The following GALNT10 variants were observed in gnomAD, a reference collection of about 807,000 sequenced individuals.
The protein encoded by GALNT10 is GalNAc transferase 10.
GALNT10 carries 41 observed loss-of-function variants against 75.0 expected under a neutral mutation model. The ratio of observed to expected loss-of-function variants is 0.55; its 90% CI spans 0.43 to 0.71. The LOEUF (loss-of-function observed/expected upper bound fraction) is 0.71, where lower values mean the gene tolerates loss of function less well. Among genes scored for constraint, GALNT10 ranks in the 30% least tolerant of loss-of-function variants. The pLI, the probability that GALNT10 is intolerant of heterozygous loss-of-function variation, is 0.00. For missense variants in GALNT10, 727 were observed against 818.5 expected (o/e 0.89, Z 1.36); for synonymous variants, 302 against 313.0 (o/e 0.96, Z 0.37).
At chr5:154,195,247 A>G (rs1774917626) in intron 1 of GALNT10, among the ~76,000 whole-genome samples, 4 of 152,240 alleles carry the variant, frequency 2.6e-5, no homozygotes, top group Admixed American at 2.6e-4. Flanking sequence ...AGTAAGCCCC[A>G]TGGCAGCTAA....
chr5:154,278,479 T>C (rs1246157131), intron 1 of GALNT10, among the ~76,000 whole-genome samples: 1 of 152,206 alleles, frequency 6.6e-6, no homozygotes, highest in African/African-American at 2.4e-5. Flanking sequence ...CAGAAGGGTA[T>C]TAGAATATGT....
intron 1 of GALNT10, among the ~76,000 whole-genome samples, chr5:154,222,582 C>T (rs114833053): frequency 0.018 from 2,731 of 152,326 alleles, 40 homozygotes; most frequent in Middle Eastern, 0.095. Context: ...TTCCCACCAT[C>T]AGTGTATAAG....
intron 1 of GALNT10, among the ~76,000 whole-genome samples, chr5:154,228,696 G>A (rs951099205): frequency 6.6e-5 from 10 of 152,220 alleles, no homozygotes; most frequent in African/African-American, 2.4e-4. Flanking sequence ...AGTCCCAATT[G>A]TATGTGGGTG....
chr5:154,293,613 A>ATATATATATAT, intron 1 of GALNT10, among the ~76,000 whole-genome samples: 2 of 109,360 alleles, frequency 1.8e-5, no homozygotes, highest in African/African-American at 8.5e-5. Flanking sequence ...ATATATATAT[A>ATATATATATAT]TTTTTTTTTT....
chr5:154,279,593 G>A (rs114303082), intron 1 of GALNT10, among the ~76,000 whole-genome samples: 369 of 151,926 alleles, frequency 2.4e-3, no homozygotes, highest in African/African-American at 8.3e-3. Context: ...ATGAGCCTCC[G>A]CACCTGGCTT....
intron 3 of GALNT10, among the ~76,000 whole-genome samples, chr5:154,313,140 C>G (rs1321017489): frequency 4.6e-5 from 7 of 152,060 alleles, no homozygotes; most frequent in African/African-American, 1.4e-4. Context: ...GAAACCACAT[C>G]TCTACGAAAA....
intron 3 of GALNT10, among the ~76,000 whole-genome samples, chr5:154,309,986 G>A (rs10078951): frequency 0.013 from 1,993 of 152,294 alleles, 38 homozygotes; most frequent in African/African-American, 0.046. Context: ...ACCCAAGACC[G>A]GACGTAGTCT....
At chr5:154,216,463 C>A (rs1561631297) in intron 1 of GALNT10, among the ~76,000 whole-genome samples, 1 of 152,100 alleles carries the variant, frequency 6.6e-6, no homozygotes, top group Non-Finnish European at 1.5e-5. Flanking sequence ...GCAACTAAAA[C>A]CAAACAGAAA....
rs1017146815 is a variant in GALNT10 at position 154,191,032 on chromosome 5, C to A, written c.159+7C>A. ...GGCGCCGGCGGCGGGACAGGTGAGTCCCCCCGTTGCTACAGGCCGGGAACA... is the reference window on the plus strand; with the variant it reads ...GGCGCCGGCGGCGGGACAGGTGAGTACCCCCGTTGCTACAGGCCGGGAACA... On this transcript the variant is annotated splice_region_variant and intron_variant, in intron 1 of 11. Transcript: ENST00000297107. 1.3e-5 allele frequency: 18 copies of A among 1,411,522 alleles called. No individual in the cohort carries two copies. The highest frequency in any genetic ancestry group is 3.6e-4 in the Middle Eastern group (2 of 5,504). The allele number at this position is 1,411,522 out of a possible 1,614,324, so 87.4% of individuals were successfully genotyped here. A position where few individuals can be genotyped will look rare whatever the true frequency, so the allele number is the denominator to read the frequency against.
intron 7 of GALNT10, among the ~76,000 whole-genome samples, chr5:154,400,189 G>A (rs769260438): frequency 5.9e-5 from 9 of 152,158 alleles, no homozygotes; most frequent in African/African-American, 1.2e-4. Flanking sequence ...AGCCGTAGCC[G>A]AGAAAAGCCA....
Position 154,298,655 on chromosome 5 carries a change from C to T in GALNT10, c.401+576C>T, listed in dbSNP as rs886132651. ...ACTGGGGCTTAAAGGAGGGTCATAA[C>T]TCACTTAAGGCTATAAGTTGATTGA... On this transcript the variant is annotated intron_variant, in intron 3 of 11. Transcript: ENST00000297107. This position sits in a 1 kb window ranked among gnomAD's most constrained non-coding sequence, Gnocchi z 4.1. Among the ~76,000 whole-genome samples, 6 of 152,210 alleles carry T rather than the reference C, an allele frequency of 3.9e-5. No homozygotes were observed. Among genetic ancestry groups the T allele is most frequent in the African/African-American group, 1.4e-4 (6 of 41,442 alleles).
At chr5:154,274,045 G>A (rs1387896969) in intron 1 of GALNT10, among the ~76,000 whole-genome samples, 1 of 152,180 alleles carries the variant, frequency 6.6e-6, no homozygotes, top group African/African-American at 2.4e-5. Flanking sequence ...ATTTAGCAAA[G>A]AAAGCTAGGG....
chr5:154,263,788 C>T (rs1753736080), intron 1 of GALNT10, among the ~76,000 whole-genome samples: 1 of 152,080 alleles, frequency 6.6e-6, no homozygotes, highest in Non-Finnish European at 1.5e-5. Context: ...TCCCAAAGGC[C>T]CTACCTCCTA....
intron 7 of GALNT10, chr5:154,386,724 C>T: frequency 1.4e-5 from 8 of 552,766 alleles, no homozygotes; most frequent in South Asian, 1.3e-4. Flanking sequence ...CTTGCTTCTA[C>T]TCAGATGGCA....
In GALNT10 at chr5:154,412,890, T is replaced by C. The variant is rs753010738; in HGVS notation, c.1388T>C (p.Ile463Thr). The C allele has an allele frequency of 1.9e-6, 3 of 1,609,508 alleles. No homozygotes were observed. Among genetic ancestry groups the C allele is most frequent in the Non-Finnish European group, 2.6e-6 (3 of 1,175,906 alleles). Residue 463 changes from isoleucine (I) to threonine (T), a missense_variant and splice_region_variant, in exon 10 of 12, where the codon ATC becomes ACC. Ile to Thr is a moderately conservative substitution (Grantham distance 89, BLOSUM62 -1). Coordinates refer to ENST00000297107, the MANE Select transcript of GALNT10 (RefSeq NM_198321.4). The surrounding 1 kb of genome is among the most constrained non-coding windows in gnomAD (Gnocchi z 4.2). ...VEPPAAAWGE[I>T]RNVGTGLCAD... ...ACTTCTTCCCTCTTTCCCTTTCAGA[T>C]CCGAAATGTGGGCACAGGGCTGTGT...
intron 3 of GALNT10, among the ~76,000 whole-genome samples, chr5:154,316,913 G>A (rs1228008957): frequency 1.3e-5 from 2 of 152,172 alleles, no homozygotes; most frequent in Non-Finnish European, 2.9e-5. Context: ...TGAGAGAACT[G>A]AAATCAGGAG....
At chr5:154,392,789 C>T (rs1056405992) in intron 7 of GALNT10, 13 of 152,100 alleles carry the variant, frequency 8.5e-5, no homozygotes, top group Admixed American at 3.9e-4. Context: ...AAAATGTAGG[C>T]TTTGGGGCAG....
At position 154,376,607 on chromosome 5, in the gene GALNT10, C is replaced by CA; in HGVS notation, c.754+146dup. The CA allele has an allele frequency of 1.7e-6, 1 of 578,080 alleles. No homozygotes were observed. The allele number at this position is 578,080 out of a possible 1,614,324, so 35.8% of individuals were successfully genotyped here. A position where few individuals can be genotyped will look rare whatever the true frequency, so the allele number is the denominator to read the frequency against. On this transcript the variant is annotated intron_variant, in intron 5 of 11. Transcript: ENST00000297107. This position sits in a 1 kb window ranked among gnomAD's most constrained non-coding sequence, Gnocchi z 4.1. ...ACAATGCCAGGTGCCATGAGGGATT[C>CA]AGAAGTTCAGGAGTGCTCAAAATTA... is the stretch of plus-strand genomic sequence containing the variant.
At chr5:154,296,896 G>A (rs1276277382) in intron 2 of GALNT10, among the ~76,000 whole-genome samples, 1 of 152,194 alleles carries the variant, frequency 6.6e-6, no homozygotes, top group Non-Finnish European at 1.5e-5. Flanking sequence ...ACAGAGACCT[G>A]TTTCTTGCCT....
Sources: allele counts gnomAD v4.1 joint callset (sites outside exome capture counted in the v4.1 genomes callset), GRCh38; gene constraint gnomAD v4.1.1; non-coding constraint Gnocchi (gnomAD v3.1); transcripts MANE v1.5; gene names NCBI Gene and HGNC (gene_info 2026-07-23, HGNC 2026-07-21).